The following WWOX variants were observed in gnomAD, a reference collection of about 807,000 sequenced individuals.
The protein encoded by WWOX is WW domain-containing oxidoreductase.
In WWOX, 69 loss-of-function variants were observed where a neutral mutation model predicts 46.2. That is an observed-to-expected ratio of 1.49 (90% CI 1.23 to 1.82). The LOEUF (loss-of-function observed/expected upper bound fraction) is 1.82. Among genes scored for constraint, WWOX ranks in the 40% most tolerant of loss-of-function variants. The pLI, the probability that WWOX is intolerant of heterozygous loss-of-function variation, is 0.00. For synonymous variants in WWOX, 359 were observed against 202.6 expected, an observed-to-expected ratio of 1.77 and a Z score of -6.56; for missense variants, 919 against 542.6, an observed-to-expected ratio of 1.69 and a Z score of -6.89.
chr16:78,772,720 A>G (rs1311032526), intron 8 of WWOX, among the ~76,000 whole-genome samples: 2 of 152,174 alleles, frequency 1.3e-5, no homozygotes, highest in East Asian at 3.9e-4. Flanking sequence ...CAGAGGCTCA[A>G]AGAACCTAGG....
At chr16:78,257,451 G>C (rs1285542513) in intron 5 of WWOX, among the ~76,000 whole-genome samples, 1 of 152,210 alleles carries the variant, frequency 6.6e-6, no homozygotes, top group Non-Finnish European at 1.5e-5. Flanking sequence ...CTCCGAGCCA[G>C]GGATGGAGCT....
chr16:78,915,993 C>T (rs1323907482), intron 8 of WWOX, among the ~76,000 whole-genome samples: 1 of 152,298 alleles, frequency 6.6e-6, no homozygotes, highest in African/African-American at 2.4e-5. Context: ...CTCAGATTTC[C>T]CACCTATTGT....
chr16:78,808,019 C>G (rs939329040), intron 8 of WWOX, among the ~76,000 whole-genome samples: 4 of 152,168 alleles, frequency 2.6e-5, no homozygotes, highest in East Asian at 1.9e-4. Context: ...TTAAAGTCAA[C>G]CAGTTCAAAT....
chr16:79,095,485 T>C (rs924684246), intron 8 of WWOX, among the ~76,000 whole-genome samples: 1 of 152,094 alleles, frequency 6.6e-6, no homozygotes, highest in Non-Finnish European at 1.5e-5. Flanking sequence ...TGGCTTCTGG[T>C]TTCTGCCCTG....
At chr16:78,454,017 G>A (rs2083752844) in intron 8 of WWOX, among the ~76,000 whole-genome samples, 1 of 152,070 alleles carries the variant, frequency 6.6e-6, no homozygotes, top group Non-Finnish European at 1.5e-5. Context: ...GTGATGGGGT[G>A]ATTTCAGTGA....
intron 8 of WWOX, among the ~76,000 whole-genome samples, chr16:78,704,988 C>T (rs370877679): frequency 1.7e-4 from 26 of 151,758 alleles, no homozygotes; most frequent in East Asian, 1.2e-3. Context: ...TTAACCTGTC[C>T]GCCATTTAAC....
chr16:79,179,833 C>T (rs2050874557), intron 8 of WWOX, among the ~76,000 whole-genome samples: 1 of 152,222 alleles, frequency 6.6e-6, no homozygotes, highest in Admixed American at 6.5e-5. Context: ...AACATTTCAG[C>T]AGCTGTCATG....
At chr16:78,667,882 G>A (rs1209211799) in intron 8 of WWOX, among the ~76,000 whole-genome samples, 1 of 151,994 alleles carries the variant, frequency 6.6e-6, no homozygotes, top group Non-Finnish European at 1.5e-5. Context: ...CCATACCTCT[G>A]TGTGTGTTCC....
chr16:78,744,680 C>T (rs1304065012), intron 8 of WWOX, among the ~76,000 whole-genome samples: 2 of 152,136 alleles, frequency 1.3e-5, no homozygotes, highest in Admixed American at 1.3e-4. Context: ...GATCCACCTG[C>T]CTCGGCCTCC....
chr16:78,931,941 T>C (rs1288110701), intron 8 of WWOX, among the ~76,000 whole-genome samples: 1 of 152,218 alleles, frequency 6.6e-6, no homozygotes, highest in Admixed American at 6.5e-5. Flanking sequence ...TGAGATCTGA[T>C]GGTTTTATAA....
chr16:78,602,940 G>C (rs964925118), intron 8 of WWOX, among the ~76,000 whole-genome samples: 1 of 152,112 alleles, frequency 6.6e-6, no homozygotes, highest in Non-Finnish European at 1.5e-5. Flanking sequence ...TTGCTGATTA[G>C]CTTTCTCTTT....
At chr16:78,697,276 C>T (rs569230689) in intron 8 of WWOX, among the ~76,000 whole-genome samples, 1 of 152,218 alleles carries the variant, frequency 6.6e-6, no homozygotes, top group Admixed American at 6.5e-5. Context: ...TTTACATTCC[C>T]ACCAGCAGTG....
In WWOX at chr16:78,819,435, C is replaced by T. The variant is rs539950357; in HGVS notation, c.1056+386683C>T. 2.6e-5 allele frequency among the ~76,000 whole-genome samples: 4 copies of T among 152,330 alleles called. No individual in the cohort carries two copies. In the South Asian group the frequency reaches 6.2e-4, roughly 24 times the overall value. ...ACACCTAGAAGTTACTGCCCCTTTCCATGACAATGACCCAACAACCTGGAA... is the reference window on the plus strand; with the variant it reads ...ACACCTAGAAGTTACTGCCCCTTTCTATGACAATGACCCAACAACCTGGAA... On this transcript the variant is annotated intron_variant, in intron 8 of 8. Transcript: ENST00000566780.
chr16:78,291,741 C>T (rs1480847824), intron 5 of WWOX, among the ~76,000 whole-genome samples: 1 of 152,112 alleles, frequency 6.6e-6, no homozygotes, highest in Non-Finnish European at 1.5e-5. Context: ...GCAAAATTAG[C>T]ACTTTATCAA....
intron 8 of WWOX, among the ~76,000 whole-genome samples, chr16:79,043,499 C>T (rs898944303): frequency 6.6e-6 from 1 of 152,112 alleles, no homozygotes; most frequent in Non-Finnish European, 1.5e-5. Context: ...AGTGGGAAGT[C>T]CAGGGGTAGA....
At chr16:78,655,649 C>T (rs756325093) in intron 8 of WWOX, among the ~76,000 whole-genome samples, 3 of 151,618 alleles carry the variant, frequency 2.0e-5, no homozygotes, top group East Asian at 3.9e-4. Context: ...TGGAATTATA[C>T]GGTCATTTAT....
At chr16:78,364,836 T>C (rs2081497611) in intron 5 of WWOX, among the ~76,000 whole-genome samples, 2 of 152,178 alleles carry the variant, frequency 1.3e-5, no homozygotes, top group Admixed American at 6.6e-5. Context: ...ACAAGGTGTT[T>C]TCTGTGCTTT....
At chr16:78,619,793 C>T (rs1279828588) in intron 8 of WWOX, among the ~76,000 whole-genome samples, 1 of 151,978 alleles carries the variant, frequency 6.6e-6, no homozygotes. Context: ...TCTGTGGTCC[C>T]AGCTACTCAG....
chr16:78,930,961 A>G (rs143045560), intron 8 of WWOX, among the ~76,000 whole-genome samples: 25 of 152,324 alleles, frequency 1.6e-4, no homozygotes, highest in African/African-American at 5.5e-4. Context: ...GAACCTGGAC[A>G]TGTCACTAGC....
Sources: allele counts gnomAD v4.1 joint callset (sites outside exome capture counted in the v4.1 genomes callset), GRCh38; gene constraint gnomAD v4.1.1; transcripts MANE v1.5; gene names NCBI Gene and HGNC (gene_info 2026-07-23, HGNC 2026-07-21).